The following DOCK3 variants were observed in gnomAD, a reference collection of about 807,000 sequenced individuals.
DOCK3 encodes dedicator of cytokinesis protein 3.
Under a neutral mutation model 265.6 loss-of-function variants are expected in DOCK3, and 60 were observed. That is an observed-to-expected ratio of 0.23 (90% CI 0.18 to 0.28). The LOEUF is 0.28. Among genes scored for constraint, DOCK3 ranks in the 10% least tolerant of loss-of-function variants. DOCK3 has a pLI of 1.00. For synonymous variants in DOCK3, 881 were observed against 938.0 expected (o/e 0.94, Z 1.11); for missense variants, 1,981 against 2,594.3 (o/e 0.76, Z 5.14).
At chr3:50,893,820 G>A (rs750964725) in intron 4 of DOCK3, among the ~76,000 whole-genome samples, 3 of 151,996 alleles carry the variant, frequency 2.0e-5, no homozygotes, top group Non-Finnish European at 4.4e-5. Flanking sequence ...CATGTCCTTT[G>A]TAGGGACATG....
chr3:50,921,940 G>T (rs2050495763), intron 4 of DOCK3, among the ~76,000 whole-genome samples: 1 of 152,114 alleles, frequency 6.6e-6, no homozygotes, highest in Admixed American at 6.5e-5. Context: ...GGGGCACCTG[G>T]CTGTATTCGG....
At chr3:51,243,407 G>A (rs934674040) in intron 21 of DOCK3, among the ~76,000 whole-genome samples, 2 of 151,836 alleles carry the variant, frequency 1.3e-5, no homozygotes, top group South Asian at 2.1e-4. Flanking sequence ...CAGAGCCATC[G>A]AGGGCCAGGC....
chr3:51,132,278 T>A (rs1282799289), intron 9 of DOCK3, among the ~76,000 whole-genome samples: 1 of 152,148 alleles, frequency 6.6e-6, no homozygotes, highest in Non-Finnish European at 1.5e-5. Flanking sequence ...TTAATATCCA[T>A]TCCCATCCTG....
intron 16 of DOCK3, 25 bp from the exon 17 acceptor site, chr3:51,227,957 A>C: frequency 1.9e-6 from 3 of 1,611,832 alleles, no homozygotes; most frequent in South Asian, 1.1e-5. Context: ...GGCAAAAAAC[A>C]ACTAATACTT....
intron 2 of DOCK3, chr3:50,787,646 T>C (rs1417634648): frequency 5.4e-6 from 7 of 1,299,876 alleles, no homozygotes; most frequent in African/African-American, 1.5e-5. Context: ...TCTGCACTCT[T>C]CCTGCAACCT....
In DOCK3 at chr3:51,361,479, GGGTTGGGGGGT is replaced by G. The variant is rs2086726903; in HGVS notation, c.5007-377_5007-367del. Among the ~76,000 whole-genome samples the G allele has an allele frequency of 1.3e-5, 2 of 152,070 alleles. No homozygotes were observed. The highest frequency in any genetic ancestry group is 2.9e-5 in the Non-Finnish European group (2 of 68,002). ...AAGCAGATCCCATCATGGTGTGGGGGGGTTGGGGGGTGGGCACTGACCCAGACTAATACCCC... is the reference window on the plus strand; with the variant it reads ...AAGCAGATCCCATCATGGTGTGGGGGGGGCACTGACCCAGACTAATACCCC... On this transcript the variant is annotated intron_variant, in intron 47 of 52. Coordinates refer to ENST00000266037, the MANE Select transcript of DOCK3 (RefSeq NM_004947.5). This position sits in a 1 kb window ranked among gnomAD's most constrained non-coding sequence, Gnocchi z 4.2.
intron 10 of DOCK3, among the ~76,000 whole-genome samples, chr3:51,156,069 T>C (rs1367785236): frequency 6.6e-6 from 1 of 152,154 alleles, no homozygotes; most frequent in African/African-American, 2.4e-5. Flanking sequence ...TTTTTTAGAG[T>C]TCAGAATTGA....
At chr3:51,037,321 G>C (rs747122641) in intron 5 of DOCK3, among the ~76,000 whole-genome samples, 2 of 151,460 alleles carry the variant, frequency 1.3e-5, no homozygotes, top group South Asian at 4.2e-4. Flanking sequence ...AATTCCATAC[G>C]TTTTTGGGGA....
At position 51,053,356 on chromosome 3, in the gene DOCK3, C is replaced by T. The variant is rs556335562; in HGVS notation, c.316-11092C>T. Reference sequence around the variant, plus strand: ...ATTATAGAAGATAAGAATTAAGCTCCGAATGCTCTTGTCCCTACATACATA... The same window carrying T: ...ATTATAGAAGATAAGAATTAAGCTCTGAATGCTCTTGTCCCTACATACATA... On this transcript the variant is annotated intron_variant, in intron 5 of 52. Transcript: ENST00000266037. Among the ~76,000 whole-genome samples the T allele has an allele frequency of 7.3e-5, 11 of 150,928 alleles. No homozygotes were observed. In the East Asian group the frequency reaches 7.8e-4, roughly 11 times the overall value.
chr3:50,998,600 T>C (rs561592905), intron 5 of DOCK3, among the ~76,000 whole-genome samples: 31 of 152,286 alleles, frequency 2.0e-4, no homozygotes, highest in African/African-American at 7.2e-4. Flanking sequence ...TTTTTATAAA[T>C]AGTGTAAAAA....
intron 5 of DOCK3, among the ~76,000 whole-genome samples, chr3:51,019,684 A>G (rs754658448): frequency 1.1e-4 from 16 of 149,562 alleles, no homozygotes; most frequent in Non-Finnish European, 1.6e-4. Context: ...ATGCATCCAT[A>G]TGTTCTCATC....
At chr3:51,033,236 T>C (rs1176536451) in intron 5 of DOCK3, among the ~76,000 whole-genome samples, 1 of 152,208 alleles carries the variant, frequency 6.6e-6, no homozygotes, top group Non-Finnish European at 1.5e-5. Flanking sequence ...CTGGTGAAAC[T>C]TTCCCAGGCA....
Position 51,227,277 on chromosome 3 carries a change from T to C in DOCK3, c.1378-6T>C. 3 of 1,612,750 alleles carry C rather than the reference T, an allele frequency of 1.9e-6. No individual in the cohort carries two copies. Among genetic ancestry groups the C allele is most frequent in the Non-Finnish European group, 2.5e-6 (3 of 1,179,306 alleles). ...GATGACATCTTATTTTGTTTCTTTC[T>C]TCCAGGATTGCATCAGCTTGGGTTC... On this transcript the variant is annotated splice_polypyrimidine_tract_variant and splice_region_variant and intron_variant, in intron 15 of 52. Coordinates refer to ENST00000266037, the MANE Select transcript of DOCK3 (RefSeq NM_004947.5).
Position 51,381,573 on chromosome 3 carries a change from G to C in DOCK3, c.*14G>C. 1 of 1,491,038 alleles carries C rather than the reference G, an allele frequency of 6.7e-7. No individual in the cohort carries two copies. Among genetic ancestry groups the C allele is most frequent in the Non-Finnish European group, 8.9e-7 (1 of 1,125,252 alleles). 92.4% of individuals were successfully genotyped at this position (1,491,038 alleles called of 1,614,324 possible). ...GGGGAGCAGTGAGGGGCAACGAGGC[G>C]GCTGGGATGCCGCCCTCAGTAAGCA... On this transcript the variant is annotated 3_prime_UTR_variant, in exon 53 of 53. Transcript: ENST00000266037. The surrounding 1 kb of genome is among the most constrained non-coding windows in gnomAD (Gnocchi z 5.6).
Position 51,381,670 on chromosome 3 carries a change from T to A in DOCK3, c.*111T>A. 5.7e-6 allele frequency: 8 copies of A among 1,393,320 alleles called. No homozygotes were observed. The highest frequency in any genetic ancestry group is 7.5e-6 in the Non-Finnish European group (8 of 1,064,198). The allele number at this position is 1,393,320 out of a possible 1,614,324, so 86.3% of individuals were successfully genotyped here. A position where few individuals can be genotyped will look rare whatever the true frequency, so the allele number is the denominator to read the frequency against. On this transcript the variant is annotated 3_prime_UTR_variant, in exon 53 of 53. Coordinates refer to ENST00000266037, the MANE Select transcript of DOCK3 (RefSeq NM_004947.5). This position sits in a 1 kb window ranked among gnomAD's most constrained non-coding sequence, Gnocchi z 5.6. ...CCCAGGGAGCCAGAGAGGCTTGCAC[T>A]CAGGAGAGAACCACCCCCAAGTCTC...
chr3:51,342,757 G>C (rs917794159), intron 38 of DOCK3, among the ~76,000 whole-genome samples: 2 of 152,198 alleles, frequency 1.3e-5, no homozygotes, highest in African/African-American at 4.8e-5. Context: ...ACATGGACTA[G>C]GGAGTAAAAC....
intron 9 of DOCK3, among the ~76,000 whole-genome samples, chr3:51,093,514 T>C (rs990844291): frequency 2.0e-5 from 3 of 152,254 alleles, no homozygotes; most frequent in Non-Finnish European, 4.4e-5. Flanking sequence ...ATGCTTGTGA[T>C]GTTTGCACAT....
At chr3:51,221,449 T>C (rs2090095518) in intron 14 of DOCK3, among the ~76,000 whole-genome samples, 2 of 152,206 alleles carry the variant, frequency 1.3e-5, no homozygotes. Context: ...ATTTTAAAAG[T>C]GTTGTAAAAA....
intron 5 of DOCK3, among the ~76,000 whole-genome samples, chr3:51,013,360 G>C (rs1464914343): frequency 6.6e-6 from 1 of 152,092 alleles, no homozygotes; most frequent in Non-Finnish European, 1.5e-5. Flanking sequence ...TGTTGATGTT[G>C]GTGCTATTCC....
Sources: allele counts gnomAD v4.1 joint callset (sites outside exome capture counted in the v4.1 genomes callset), GRCh38; gene constraint gnomAD v4.1.1; non-coding constraint Gnocchi (gnomAD v3.1); transcripts MANE v1.5; gene names NCBI Gene and HGNC (gene_info 2026-07-23, HGNC 2026-07-21).